ITPR1: variants seen among roughly 807,000 people sequenced by gnomAD.
ITPR1 encodes inositol 1,4,5-trisphosphate-gated calcium channel ITPR1.
In ITPR1, 96 loss-of-function variants were observed where a neutral mutation model predicts 318.4. The observed-to-expected ratio is 0.30, with a 90% CI of 0.26 to 0.36. ITPR1 has a LOEUF of 0.36. Among genes scored for constraint, ITPR1 ranks in the 10% least tolerant of loss-of-function variants. ITPR1 has a pLI of 1.00. For missense variants in ITPR1, 2,440 were observed against 3,460.2 expected, an observed-to-expected ratio of 0.71 and a Z score of 7.40; for synonymous variants, 1,312 against 1,289.9, an observed-to-expected ratio of 1.02 and a Z score of -0.37.
chr3:4,652,437 G>A (rs1366774668), intron 11 of ITPR1, among the ~76,000 whole-genome samples: 1 of 152,134 alleles, frequency 6.6e-6, no homozygotes, highest in East Asian at 1.9e-4. Flanking sequence ...ATCAAGATGT[G>A]GGGAGAAAGT....
chr3:4,524,103 G>T (rs2082777602), intron 4 of ITPR1, among the ~76,000 whole-genome samples: 1 of 152,160 alleles, frequency 6.6e-6, no homozygotes, highest in African/African-American at 2.4e-5. Flanking sequence ...GCAGGCTTTG[G>T]GAATGTAGGT....
At chr3:4,643,417 A>G (rs935288117) in intron 7 of ITPR1, among the ~76,000 whole-genome samples, 2 of 152,186 alleles carry the variant, frequency 1.3e-5, no homozygotes, top group South Asian at 2.1e-4. Context: ...GTGTGTGGCC[A>G]TGGCTTAGTT....
chr3:4,679,601 G>A (rs61099996), intron 24 of ITPR1, among the ~76,000 whole-genome samples: 410 of 152,336 alleles, frequency 2.7e-3, no homozygotes, highest in African/African-American at 9.5e-3. Flanking sequence ...CTGGGTGAGA[G>A]CGGATCTTCT....
rs559366925 is a variant in ITPR1, at chr3:4,810,994, G to A, written c.7273-271G>A. On this transcript the variant is annotated intron_variant, in intron 55 of 61. Coordinates refer to ENST00000649015, the MANE Select transcript of ITPR1 (RefSeq NM_001378452.1). The stretch of plus-strand genomic sequence containing the variant: ...CTCTGAAACTCATTGGCACAAGCAT[G>A]TATTTTCTCTATTTCCAGTCCCTCT... 5.3e-5 allele frequency among the ~76,000 whole-genome samples: 8 copies of A among 152,326 alleles called. No homozygotes were observed. In the East Asian group the frequency reaches 7.7e-4, roughly 15 times the overall value.
At chr3:4,843,030 T>C (rs542165618) in intron 61 of ITPR1, among the ~76,000 whole-genome samples, 1 of 150,646 alleles carries the variant, frequency 6.6e-6, no homozygotes, top group East Asian at 2.0e-4. Context: ...ATTGTTGGCC[T>C]CAGTTTCTTA....
chr3:4,604,768 C>T (rs6765127), intron 4 of ITPR1, among the ~76,000 whole-genome samples: 4,806 of 152,108 alleles, frequency 0.032, 115 homozygotes, highest in Middle Eastern at 0.092. Context: ...ATCTTTCCCC[C>T]TGAAGAGGGA....
rs745821484 is a variant in ITPR1 at position 4,702,852 on chromosome 3, A to G, written c.4559A>G (p.Gln1520Arg). ...CAGACTCGCCAGCCTGTCTTTGTGC[A>G]ACTGCTGCAAGGCGTGTTCAGGGTT... ...TLQTRQPVFVQLLQGVFRVYH... is the reference protein window; with the variant it reads ...TLQTRQPVFVRLLQGVFRVYH... The change falls in exon 36 of 62, where the codon CAA becomes CGA. Residue 1520 changes from glutamine to arginine, a missense_variant. Transcript: ENST00000649015. The G allele has an allele frequency of 9.3e-6, 15 of 1,613,732 alleles. 1 individual carries two copies. Among genetic ancestry groups the G allele is most frequent in the Non-Finnish European group, 4.2e-6 (5 of 1,179,822 alleles).
chr3:4,613,603 TTC>T (rs2092259803), intron 4 of ITPR1, among the ~76,000 whole-genome samples: 1 of 152,126 alleles, frequency 6.6e-6, no homozygotes, highest in African/African-American at 2.4e-5. Context: ...TCTTCTGCCT[TTC>T]TCTCTTCCTT....
At chr3:4,783,519 G>A (rs773323560) in intron 50 of ITPR1, among the ~76,000 whole-genome samples, 1 of 151,760 alleles carries the variant, frequency 6.6e-6, no homozygotes, top group East Asian at 1.9e-4. Context: ...TGAACATTCC[G>A]AATGGAGGCT....
intron 4 of ITPR1, among the ~76,000 whole-genome samples, chr3:4,585,579 G>C (rs2089808969): frequency 6.6e-6 from 1 of 152,010 alleles, no homozygotes; most frequent in Non-Finnish European, 1.5e-5. Flanking sequence ...TAGGATTACA[G>C]GTGTGCACCA....
chr3:4,667,507 T>C lies in ITPR1; in HGVS notation c.1844T>C (p.Ile615Thr), dbSNP rs2093976216. 3 of 1,613,398 alleles carry C rather than the reference T, an allele frequency of 1.9e-6. No homozygotes were observed. The highest frequency in any genetic ancestry group is 1.7e-6 in the Non-Finnish European group (2 of 1,179,514). ...LLEKHITAAE[I>T]DTFVSLVRKN... ...GAAAAACACATTACCGCGGCAGAGA[T>C]TGACACATTTGTCAGCCTGGTGCGA... is the stretch of plus-strand genomic sequence containing the variant. The change falls in exon 18 of 62, where the codon ATT (isoleucine) becomes ACT (threonine). Residue 615 changes from isoleucine (I) to threonine (T), a missense_variant. By Grantham distance (89) the Ile-to-Thr change is moderately conservative. This residue lies in a region of ITPR1 where 478 missense variants were observed against 696.3 expected (regional missense o/e 0.69). Coordinates refer to ENST00000649015, the MANE Select transcript of ITPR1 (RefSeq NM_001378452.1).
chr3:4,712,940 G>A (rs1036142209), intron 39 of ITPR1, among the ~76,000 whole-genome samples: 1 of 152,170 alleles, frequency 6.6e-6, no homozygotes, highest in Non-Finnish European at 1.5e-5. Flanking sequence ...AACTCAGTAG[G>A]AATTTTGCAG....
At chr3:4,730,432 T>C (rs1262785569) in intron 42 of ITPR1, among the ~76,000 whole-genome samples, 5 of 144,220 alleles carry the variant, frequency 3.5e-5, no homozygotes, top group Admixed American at 1.4e-4. Flanking sequence ...TCCCCCAGAA[T>C]GAGCACATTT....
intron 20 of ITPR1, 46 bp from the exon 21 acceptor site, chr3:4,673,090 A>C (rs1559662281): frequency 6.3e-7 from 1 of 1,575,906 alleles, no homozygotes; most frequent in Non-Finnish European, 8.6e-7. Flanking sequence ...ATTCATCCTG[A>C]ATGATTTCTG....
intron 5 of ITPR1, among the ~76,000 whole-genome samples, chr3:4,631,821 G>C (rs1421330224): frequency 1.3e-5 from 2 of 152,090 alleles, no homozygotes; most frequent in African/African-American, 4.8e-5. Flanking sequence ...GGTAATTACA[G>C]ATACCCCCAG....
chr3:4,556,350 C>T (rs936717246), intron 4 of ITPR1, among the ~76,000 whole-genome samples: 13 of 152,080 alleles, frequency 8.5e-5, no homozygotes, highest in African/African-American at 2.4e-4. Context: ...GGTTCATTCT[C>T]GAAGTCATAC....
At chr3:4,721,172 G>GTATATATATATATATATA (rs5846332) in intron 40 of ITPR1, among the ~76,000 whole-genome samples, 1,414 of 124,378 alleles carry the variant, frequency 0.011, 22 homozygotes, top group African/African-American at 0.017. Context: ...GTGTGTGCGT[G>GTATATATATATATATATA]TATATATATA....
At chr3:4,740,761 G>C (rs1019512891) in intron 44 of ITPR1, among the ~76,000 whole-genome samples, 3 of 152,124 alleles carry the variant, frequency 2.0e-5, no homozygotes, top group African/African-American at 7.2e-5. Context: ...GCTTCACATT[G>C]AACCCTCCGC....
intron 7 of ITPR1, among the ~76,000 whole-genome samples, chr3:4,643,287 A>G (rs2093379126): frequency 6.6e-6 from 1 of 152,248 alleles, no homozygotes; most frequent in South Asian, 2.1e-4. Context: ...TAAGCTTGAA[A>G]ATAGATGGTT....
Sources: allele counts gnomAD v4.1 joint callset (sites outside exome capture counted in the v4.1 genomes callset), GRCh38; gene constraint gnomAD v4.1.1; regional missense constraint gnomAD v4.1.1; transcripts MANE v1.5; gene names NCBI Gene and HGNC (gene_info 2026-07-23, HGNC 2026-07-21).